The following DGUOK variants were observed in gnomAD, a reference collection of about 807,000 sequenced individuals.
The protein encoded by DGUOK is deoxyguanosine kinase, also known as deoxyguanosine kinase, mitochondrial.
A neutral mutation model predicts 36.6 loss-of-function variants in DGUOK; 30 were observed. The ratio of observed to expected loss-of-function variants is 0.82; its 90% CI spans 0.61 to 1.11. The LOEUF is 1.11. Ranked by LOEUF, DGUOK falls within the 50% of genes most tolerant of loss-of-function variation. The pLI, the probability that DGUOK is intolerant of heterozygous loss-of-function variation, is 0.00. For synonymous variants in DGUOK, 145 were observed against 126.3 expected (o/e 1.15, Z -0.99); for missense variants, 361 against 336.4 (o/e 1.07, Z -0.57).
intron 2 of DGUOK, among the ~76,000 whole-genome samples, chr2:73,942,700 T>C (rs1324251599): frequency 2.6e-5 from 4 of 152,264 alleles, no homozygotes; most frequent in Non-Finnish European, 5.9e-5. Context: ...TTCTATTTTC[T>C]TGTTTTCTTT....
intron 5 of DGUOK, 92 bp from the exon 6 acceptor site, chr2:73,958,054 C>A: frequency 1.0e-6 from 1 of 955,092 alleles, no homozygotes; most frequent in Non-Finnish European, 1.7e-6. Flanking sequence ...GAATTTAGAT[C>A]TGTTCTCTGA....
chr2:73,952,362 G>A (rs906178462), intron 4 of DGUOK, among the ~76,000 whole-genome samples: 6 of 152,228 alleles, frequency 3.9e-5, no homozygotes, highest in Admixed American at 6.5e-5. Flanking sequence ...TAGGGGTAGA[G>A]ATTAGTGTCA....
At chr2:73,943,652 T>G (rs569768970) in intron 2 of DGUOK, among the ~76,000 whole-genome samples, 12 of 126,658 alleles carry the variant, frequency 9.5e-5, no homozygotes, top group African/African-American at 4.1e-4. Flanking sequence ...GTTATTCAGG[T>G]TTTTTTTTTT....
At chr2:73,953,287 ATCATCGTCG>A (rs754667064) in intron 4 of DGUOK, among the ~76,000 whole-genome samples, 10 of 94,852 alleles carry the variant, frequency 1.1e-4, no homozygotes, top group Non-Finnish European at 2.1e-4. Flanking sequence ...GATCATCATC[ATCATCGTCG>A]TCGTCGTCGT....
chr2:73,930,495 G>A (rs1680921547), intron 1 of DGUOK, among the ~76,000 whole-genome samples: 1 of 152,190 alleles, frequency 6.6e-6, no homozygotes, highest in African/African-American at 2.4e-5. Flanking sequence ...CCTAAAGGAA[G>A]CTCTGTCCTC....
chr2:73,950,757 A>G (rs776710451), intron 4 of DGUOK, 25 bp downstream of exon 4: 2 of 1,613,962 alleles, frequency 1.2e-6, no homozygotes, highest in Non-Finnish European at 1.7e-6. Context: ...ACAACCTTAG[A>G]CTTTAGGGCC....
intron 3 of DGUOK, 119 bp from the exon 4 acceptor site, chr2:73,950,466 G>A (rs774844548): frequency 1.0e-5 from 11 of 1,074,348 alleles, no homozygotes; most frequent in Non-Finnish European, 1.4e-5. Flanking sequence ...AAGGTTAAGT[G>A]GTTTGAACAG....
intron 1 of DGUOK, among the ~76,000 whole-genome samples, chr2:73,928,557 A>G (rs1208589821): frequency 1.3e-5 from 2 of 152,222 alleles, no homozygotes; most frequent in African/African-American, 4.8e-5. Flanking sequence ...GTGAAGAGCA[A>G]TTGGAAAGGC....
At chr2:73,936,988 G>A (rs546794222) in intron 1 of DGUOK, among the ~76,000 whole-genome samples, 1 of 152,292 alleles carries the variant, frequency 6.6e-6, no homozygotes, top group East Asian at 1.9e-4. Context: ...GAGAGGAGGC[G>A]CTTCAGGAAA....
At chr2:73,931,618 T>A (rs774292517) in intron 1 of DGUOK, among the ~76,000 whole-genome samples, 2 of 152,182 alleles carry the variant, frequency 1.3e-5, no homozygotes, top group African/African-American at 2.4e-5. Flanking sequence ...TTGAAGCCAG[T>A]GTGTGCCATG....
chr2:73,938,665 A>G (rs1681662210), intron 1 of DGUOK, among the ~76,000 whole-genome samples: 1 of 152,226 alleles, frequency 6.6e-6, no homozygotes, highest in Non-Finnish European at 1.5e-5. Flanking sequence ...AGGTTGAGAC[A>G]TGGAAATTGC....
At chr2:73,937,482 G>A (rs1681556958) in intron 1 of DGUOK, among the ~76,000 whole-genome samples, 1 of 152,210 alleles carries the variant, frequency 6.6e-6, no homozygotes, top group South Asian at 2.1e-4. Context: ...CATGGAGGTG[G>A]GAATGGAGAG....
At chr2:73,935,542 A>C (rs1681395591) in intron 1 of DGUOK, among the ~76,000 whole-genome samples, 1 of 152,220 alleles carries the variant, frequency 6.6e-6, no homozygotes, top group Non-Finnish European at 1.5e-5. Flanking sequence ...GTCTGGCTTT[A>C]ATAAAACCAT....
intron 4 of DGUOK, among the ~76,000 whole-genome samples, chr2:73,952,709 A>AT (rs1178754816): frequency 2.6e-5 from 4 of 152,194 alleles, no homozygotes; most frequent in African/African-American, 9.6e-5. Context: ...GGGAGGAGTG[A>AT]GAGAGGAAGT....
intron 2 of DGUOK, among the ~76,000 whole-genome samples, chr2:73,941,816 T>C (rs972951131): frequency 6.6e-6 from 1 of 152,204 alleles, no homozygotes; most frequent in Non-Finnish European, 1.5e-5. Flanking sequence ...CCTTGTTTTT[T>C]TCTATTGAGA....
chr2:73,933,838 C>G (rs1053392031), intron 1 of DGUOK, among the ~76,000 whole-genome samples: 1 of 152,044 alleles, frequency 6.6e-6, no homozygotes, highest in Admixed American at 6.5e-5. Flanking sequence ...GTAGCTACTC[C>G]ATAAACATTT....
At chr2:73,956,115 G>A (rs1476099267) in intron 4 of DGUOK, among the ~76,000 whole-genome samples, 2 of 152,138 alleles carry the variant, frequency 1.3e-5, no homozygotes, top group Non-Finnish European at 2.9e-5. Flanking sequence ...AAGTAGGAGG[G>A]GTAGCTTTGT....
chr2:73,932,727 C>T lies in DGUOK; in HGVS notation c.142+5675C>T, dbSNP rs74544427. 2,703 of 1,078,884 alleles carry T rather than the reference C, an allele frequency of 2.5e-3. 58 individuals are homozygous for T. In the African/African-American group the frequency reaches 0.041, roughly 16 times the overall value. The allele number at this position is 1,078,884 out of a possible 1,614,324, so 66.8% of individuals were successfully genotyped here. ...TCTTGTATTCCTTCTGCTCTAAGTC[C>T]TATTATTCTGATCCTGAAGGTGCAG... On this transcript the variant is annotated intron_variant, in intron 1 of 6. Coordinates refer to ENST00000264093, the MANE Select transcript of DGUOK (RefSeq NM_080916.3).
rs1189233548 is a variant in DGUOK at position 73,958,813 on chromosome 2, A to G, written c.*77A>G. On this transcript the variant is annotated 3_prime_UTR_variant, in exon 7 of 7. Coordinates refer to ENST00000264093, the MANE Select transcript of DGUOK (RefSeq NM_080916.3). ...TAGAAAAATGTTGTGTCTCCCAACC[A>G]CCTTTCCATCCCCAGCCCCTCTCAT... 8.0e-6 allele frequency: 10 copies of G among 1,255,746 alleles called. No homozygotes were observed. Among genetic ancestry groups the G allele is most frequent in the Non-Finnish European group, 1.2e-5 (10 of 852,416 alleles). The allele number at this position is 1,255,746 out of a possible 1,614,324, so 77.8% of individuals were successfully genotyped here. A position where few individuals can be genotyped will look rare whatever the true frequency, so the allele number is the denominator to read the frequency against.
Sources: allele counts gnomAD v4.1 joint callset (sites outside exome capture counted in the v4.1 genomes callset), GRCh38; gene constraint gnomAD v4.1.1; transcripts MANE v1.5; gene names NCBI Gene and HGNC (gene_info 2026-07-23, HGNC 2026-07-21).